ZCWPW2: variants seen among roughly 807,000 people sequenced by gnomAD.
ZCWPW2 encodes zinc finger CW-type PWWP domain protein 2.
In ZCWPW2, 45 loss-of-function variants were observed where a neutral mutation model predicts 46.6. The observed-to-expected ratio is 0.96, with a 90% CI of 0.76 to 1.24. The LOEUF (loss-of-function observed/expected upper bound fraction) is 1.24. Ranked by LOEUF, ZCWPW2 falls within the 50% of genes most tolerant of loss-of-function variation. The probability of loss-of-function intolerance (pLI) is 0.00; values close to 1 mark genes in which losing one functional copy is unlikely to be tolerated. For missense variants in ZCWPW2, 429 were observed against 403.9 expected (o/e 1.06, Z -0.53); for synonymous variants, 152 against 137.1 (o/e 1.11, Z -0.76).
At chr3:28,446,012 A>G (rs1697977150) in intron 4 of ZCWPW2, among the ~76,000 whole-genome samples, 1 of 152,174 alleles carries the variant, frequency 6.6e-6, no homozygotes, top group African/African-American at 2.4e-5. Context: ...TTAAAAGATT[A>G]TTAAAACATA....
chr3:28,378,534 A>G (rs1456568904), intron 1 of ZCWPW2, among the ~76,000 whole-genome samples: 1 of 152,116 alleles, frequency 6.6e-6, no homozygotes, highest in African/African-American at 2.4e-5. Context: ...TATTATTACC[A>G]TCAACATATA....
chr3:28,364,250 T>C (rs944459311), intron 1 of ZCWPW2, among the ~76,000 whole-genome samples: 1 of 152,208 alleles, frequency 6.6e-6, no homozygotes, highest in East Asian at 1.9e-4. Flanking sequence ...AGCAATTCCA[T>C]TTATAGGCAT....
At chr3:28,514,509 T>TA (rs1254383986) in intron 7 of ZCWPW2, among the ~76,000 whole-genome samples, 1 of 152,138 alleles carries the variant, frequency 6.6e-6, no homozygotes, top group Non-Finnish European at 1.5e-5. Flanking sequence ...TGTACCAGGA[T>TA]AAGGGGCCAA....
intron 2 of ZCWPW2, among the ~76,000 whole-genome samples, chr3:28,406,602 T>G (rs1417531511): frequency 6.7e-6 from 1 of 150,122 alleles, no homozygotes; most frequent in African/African-American, 2.4e-5. Flanking sequence ...TGAAGTATCT[T>G]ATTTTTTGTG....
intron 5 of ZCWPW2, among the ~76,000 whole-genome samples, chr3:28,487,982 C>T (rs1244233584): frequency 1.3e-5 from 2 of 152,116 alleles, no homozygotes; most frequent in Non-Finnish European, 2.9e-5. Context: ...TCAGGGCAGG[C>T]CTTGCTAAGA....
intron 3 of ZCWPW2, among the ~76,000 whole-genome samples, chr3:28,428,657 C>A (rs930622451): frequency 6.6e-6 from 1 of 152,128 alleles, no homozygotes; most frequent in Non-Finnish European, 1.5e-5. Flanking sequence ...GAATTGTAAT[C>A]CAAACTGTAA....
chr3:28,474,192 T>C (rs112816656), intron 4 of ZCWPW2, among the ~76,000 whole-genome samples: 109 of 152,236 alleles, frequency 7.2e-4, no homozygotes, highest in African/African-American at 2.6e-3. Flanking sequence ...AAAGAAAGAT[T>C]GGCAAAGATG....
chr3:28,387,260 G>A (rs1695313465), intron 1 of ZCWPW2, among the ~76,000 whole-genome samples: 1 of 152,084 alleles, frequency 6.6e-6, no homozygotes, highest in South Asian at 2.1e-4. Flanking sequence ...TGCATGTTCT[G>A]CACATGGTTT....
chr3:28,513,506 A>C (rs1700482697), intron 6 of ZCWPW2, among the ~76,000 whole-genome samples: 1 of 152,056 alleles, frequency 6.6e-6, no homozygotes, highest in Non-Finnish European at 1.5e-5. Flanking sequence ...CTTGTTATGG[A>C]CAGAAAAAAT....
intron 8 of ZCWPW2, among the ~76,000 whole-genome samples, chr3:28,517,409 A>C (rs147979165): frequency 6.6e-5 from 10 of 152,348 alleles, no homozygotes; most frequent in Admixed American, 1.3e-4. Context: ...ATCATGGCAG[A>C]AGGTAAAGGG....
chr3:28,466,581 C>T (rs761589169), intron 4 of ZCWPW2, among the ~76,000 whole-genome samples: 3 of 152,008 alleles, frequency 2.0e-5, no homozygotes, highest in Non-Finnish European at 4.4e-5. Flanking sequence ...GGCAGATCAC[C>T]TAAGGTCAGA....
intron 4 of ZCWPW2, among the ~76,000 whole-genome samples, chr3:28,457,811 C>A (rs1016488528): frequency 7.9e-5 from 12 of 152,098 alleles, no homozygotes; most frequent in African/African-American, 2.7e-4. Context: ...ACCTTGAAAG[C>A]AGAATATATA....
intron 5 of ZCWPW2, among the ~76,000 whole-genome samples, chr3:28,489,652 TCA>T (rs1206979573): frequency 1.5e-5 from 2 of 134,686 alleles, no homozygotes; most frequent in Non-Finnish European, 3.1e-5. Context: ...TCTCTCTCTT[TCA>T]CACACACACG....
At chr3:28,473,490 A>C (rs1205341242) in intron 4 of ZCWPW2, among the ~76,000 whole-genome samples, 1 of 152,092 alleles carries the variant, frequency 6.6e-6, no homozygotes, top group Non-Finnish European at 1.5e-5. Context: ...AAAAACAAAA[A>C]AATAGAGCTA....
intron 3 of ZCWPW2, among the ~76,000 whole-genome samples, chr3:28,433,228 C>T (rs1697343191): frequency 6.6e-6 from 1 of 152,060 alleles, no homozygotes; most frequent in African/African-American, 2.4e-5. Flanking sequence ...CTGAATATTC[C>T]ATCTTTGGGC....
chr3:28,439,677 C>T lies in ZCWPW2; in HGVS notation c.492+4408C>T, dbSNP rs906698604. ...ATAATACAACTATCCTTTGTATAAT[C>T]GGAAATTCACCAGTGCCCAACCCAA... On this transcript the variant is annotated intron_variant, in intron 4 of 9. Coordinates refer to ENST00000383768, the MANE Select transcript of ZCWPW2 (RefSeq NM_001040432.4). Among the ~76,000 whole-genome samples, 5 of 152,102 alleles carry T rather than the reference C, an allele frequency of 3.3e-5. No individual in the cohort carries two copies. In the East Asian group the frequency reaches 5.8e-4, roughly 18 times the overall value.
At chr3:28,422,106 G>A (rs1479025454) in intron 3 of ZCWPW2, among the ~76,000 whole-genome samples, 2 of 151,912 alleles carry the variant, frequency 1.3e-5, no homozygotes, top group Non-Finnish European at 2.9e-5. Context: ...GAGAGTTTCC[G>A]TATGTCCCTT....
intron 5 of ZCWPW2, among the ~76,000 whole-genome samples, chr3:28,479,491 A>C (rs1232323949): frequency 6.6e-6 from 1 of 152,174 alleles, no homozygotes; most frequent in Admixed American, 6.5e-5. Context: ...AAGTGAAACC[A>C]TTTGAAAGAT....
intron 2 of ZCWPW2, among the ~76,000 whole-genome samples, chr3:28,404,924 G>T (rs1696099631): frequency 1.3e-5 from 2 of 152,238 alleles, no homozygotes; most frequent in South Asian, 4.1e-4. Flanking sequence ...CAAATAGAGT[G>T]CATTGTATAC....
Sources: allele counts gnomAD v4.1 joint callset (sites outside exome capture counted in the v4.1 genomes callset), GRCh38; gene constraint gnomAD v4.1.1; transcripts MANE v1.5; gene names NCBI Gene and HGNC (gene_info 2026-07-23, HGNC 2026-07-21).